RRP1B: variants seen among roughly 807,000 people sequenced by gnomAD.
The protein encoded by RRP1B is ribosomal RNA processing 1B.
In RRP1B, 56 loss-of-function variants were observed where a neutral mutation model predicts 80.2. That is an observed-to-expected ratio of 0.70 (90% CI 0.56 to 0.87). The LOEUF (loss-of-function observed/expected upper bound fraction) is 0.87. Among genes scored for constraint, RRP1B ranks in the 40% least tolerant of loss-of-function variants. The pLI, the probability that RRP1B is intolerant of heterozygous loss-of-function variation, is 0.00. For synonymous variants in RRP1B, 351 were observed against 357.6 expected, an observed-to-expected ratio of 0.98 and a Z score of 0.21; for missense variants, 807 against 939.8, an observed-to-expected ratio of 0.86 and a Z score of 1.85.
chr21:43,674,090 C>CTGGAAAGCTTCTCTGTTT (rs1254365863), intron 4 of RRP1B, 135 bp downstream of exon 4: 1 of 638,374 alleles, frequency 1.6e-6, no homozygotes, highest in Non-Finnish European at 2.6e-6. Context: ...TGAATGTGTC[C>CTGGAAAGCTTCTCTGTTT]TGGAAAGCTT....
chr21:43,661,051 A>G (rs2147157263), intron 1 of RRP1B, among the ~76,000 whole-genome samples: 1 of 152,306 alleles, frequency 6.6e-6, no homozygotes, highest in Non-Finnish European at 1.5e-5. Flanking sequence ...TGACATTCTC[A>G]GTTTGTTTTA....
At chr21:43,686,667 G>A (rs2083064268) in intron 11 of RRP1B, 137 bp from the exon 12 acceptor site, 4 of 954,726 alleles carry the variant, frequency 4.2e-6, no homozygotes, top group Non-Finnish European at 6.2e-6. Flanking sequence ...TGTGTCAGCA[G>A]CGCTCAGGTT....
Position 43,685,782 on chromosome 21 carries a change from T to C in RRP1B, c.1002T>C (p.Leu334=), listed in dbSNP as rs1248587417. ...LSKLIKKFQD[L]SEGSSISQLS... is the part of the protein sequence containing the mutation. ...TTTTTATTTTTAGATTCCAAGACCT[T>C]TCTGAAGGTGAGGCGCGCCAAGAAT... is the stretch of plus-strand genomic sequence containing the variant. Residue 334 remains leucine, a synonymous_variant, in exon 11 of 16, where the codon CTT becomes CTC. Coordinates refer to ENST00000340648, the MANE Select transcript of RRP1B (RefSeq NM_015056.3). 5 of 1,582,946 alleles carry C rather than the reference T, an allele frequency of 3.2e-6. No homozygotes were observed. Among genetic ancestry groups the C allele is most frequent in the Non-Finnish European group, 4.3e-6 (5 of 1,164,780 alleles).
chr21:43,683,240 G>C, intron 8 of RRP1B, 39 bp from the exon 9 acceptor site: 4 of 1,508,778 alleles, frequency 2.7e-6, no homozygotes, highest in Non-Finnish European at 3.7e-6. Context: ...CTGTGTATTT[G>C]ATATGTCAAT....
Position 43,690,271 on chromosome 21 carries a change from A to C in RRP1B, c.1867-17A>C. On this transcript the variant is annotated splice_polypyrimidine_tract_variant and intron_variant, in intron 13 of 15. Coordinates refer to ENST00000340648, the MANE Select transcript of RRP1B (RefSeq NM_015056.3). Reference sequence around the variant, plus strand: ...TCGTCTGACCCCTCCTCCGCTTCTCACCCCTCGCTCACGTAGGGAAGCAGT... The same window carrying C: ...TCGTCTGACCCCTCCTCCGCTTCTCCCCCCTCGCTCACGTAGGGAAGCAGT... 6.2e-7 allele frequency: 1 copy of C among 1,613,420 alleles called. No individual in the cohort carries two copies. The highest frequency in any genetic ancestry group is 8.5e-7 in the Non-Finnish European group (1 of 1,179,684).
In RRP1B at chr21:43,659,577, G is replaced by A. The variant is rs762446237; in HGVS notation, c.-88G>A. On this transcript the variant is annotated 5_prime_UTR_variant, in exon 1 of 16. Coordinates refer to ENST00000340648, the MANE Select transcript of RRP1B (RefSeq NM_015056.3). The surrounding 1 kb of genome is among the most constrained non-coding windows in gnomAD (Gnocchi z 4.2). ...GCCGCCTTCTGTGCAGTCGCGGCCC[G>A]GGCGGACGGTGGCTGGCTGCTCCGC... is the stretch of plus-strand genomic sequence containing the variant. 1.1e-4 allele frequency: 138 copies of A among 1,249,190 alleles called. No homozygotes were observed. Among genetic ancestry groups the A allele is most frequent in the Non-Finnish European group, 1.3e-4 (130 of 996,516 alleles). The allele number at this position is 1,249,190 out of a possible 1,614,324, so 77.4% of individuals were successfully genotyped here.
At chr21:43,688,354 C>T in intron 13 of RRP1B, 114 bp downstream of exon 13, 1 of 1,279,030 alleles carries the variant, frequency 7.8e-7, no homozygotes, top group Non-Finnish European at 1.1e-6. Context: ...CCTCTGGACT[C>T]AGCAGCAGTT....
chr21:43,672,927 T>A (rs2147165533), intron 3 of RRP1B, among the ~76,000 whole-genome samples: 1 of 152,332 alleles, frequency 6.6e-6, no homozygotes, highest in South Asian at 2.1e-4. Context: ...TGACTCATAT[T>A]GAACAAAATT....
At chr21:43,684,494 G>T (rs2083055937) in intron 9 of RRP1B, 59 bp from the exon 10 acceptor site, 11 of 1,439,574 alleles carry the variant, frequency 7.6e-6, no homozygotes, top group Non-Finnish European at 9.8e-6. Context: ...GATGTAAATG[G>T]CCAAGTCAGG....
intron 13 of RRP1B, 43 bp from the exon 14 acceptor site, chr21:43,690,245 G>A: frequency 6.2e-7 from 1 of 1,605,972 alleles, no homozygotes; most frequent in Non-Finnish European, 8.5e-7. Context: ...AGGAGGCTCT[G>A]TCGTCTGACC....
At chr21:43,663,716 C>T (rs1337402245) in intron 1 of RRP1B, among the ~76,000 whole-genome samples, 2 of 151,970 alleles carry the variant, frequency 1.3e-5, no homozygotes, top group Non-Finnish European at 2.9e-5. Flanking sequence ...CACCACCATG[C>T]CCAGCTAATT....
intron 2 of RRP1B, among the ~76,000 whole-genome samples, chr21:43,671,867 G>A (rs1274269226): frequency 6.6e-6 from 1 of 151,778 alleles, no homozygotes; most frequent in Non-Finnish European, 1.5e-5. Context: ...TGAATTTTTA[G>A]TAGAGATGTG....
intron 2 of RRP1B, 142 bp from the exon 3 acceptor site, chr21:43,672,166 G>A (rs989864818): frequency 1.6e-5 from 11 of 684,466 alleles, no homozygotes; most frequent in African/African-American, 7.2e-5. Context: ...TCAGATATTC[G>A]GATACATACT....
chr21:43,692,397 G>A (rs951822137), intron 15 of RRP1B, among the ~76,000 whole-genome samples: 9 of 152,052 alleles, frequency 5.9e-5, no homozygotes, highest in Admixed American at 3.3e-4. Flanking sequence ...TCAGGAGTTC[G>A]AGACCAGCCT....
chr21:43,683,420 G>A (rs2083051189), intron 9 of RRP1B, 47 bp downstream of exon 9: 5 of 1,465,716 alleles, frequency 3.4e-6, no homozygotes, highest in Non-Finnish European at 4.8e-6. Context: ...TTGCTGTGGA[G>A]TAGCCTGACT....
chr21:43,666,704 T>G (rs2082979459), intron 1 of RRP1B, among the ~76,000 whole-genome samples: 1 of 130,838 alleles, frequency 7.6e-6, no homozygotes, highest in African/African-American at 3.1e-5. Flanking sequence ...GGCGACAGAG[T>G]GAAACTGTCT....
rs543423903 is a variant in RRP1B at position 43,690,445 on chromosome 21, G to A, written c.2019+5G>A. 16 of 1,613,346 alleles carry A rather than the reference G, an allele frequency of 9.9e-6. No individual in the cohort carries two copies. Among genetic ancestry groups the A allele is most frequent in the South Asian group, 5.5e-5 (5 of 90,970 alleles). On this transcript the variant is annotated splice_donor_5th_base_variant and intron_variant, in intron 14 of 15. Coordinates refer to ENST00000340648, the MANE Select transcript of RRP1B (RefSeq NM_015056.3). ...CCTCCAGGCCCTGCCGTCCAGGTAC[G>A]CACCCTCCCCAGAGTGGCACAGCAC...
chr21:43,664,947 A>AC (rs2082972830), intron 1 of RRP1B, among the ~76,000 whole-genome samples: 1 of 73,366 alleles, frequency 1.4e-5, no homozygotes, highest in African/African-American at 9.6e-5. Flanking sequence ...GGTCCCTCCC[A>AC]CCACGTGGGG....
At chr21:43,671,842 C>T (rs780742278) in intron 2 of RRP1B, among the ~76,000 whole-genome samples, 2 of 152,076 alleles carry the variant, frequency 1.3e-5, no homozygotes, top group African/African-American at 2.4e-5. Context: ...CACGCCACCA[C>T]GCCTGACTAA....
Sources: gnomAD v4.1 joint callset for allele counts (sites outside exome capture counted in the v4.1 genomes callset) on GRCh38, gnomAD v4.1.1 for gene constraint, Gnocchi (gnomAD v3.1) non-coding constraint, MANE v1.5 for transcripts, NCBI Gene and HGNC (gene_info 2026-07-23, HGNC 2026-07-21) for gene names.